Variants in PDE4C observed in about 807,000 individuals in gnomAD.
PDE4C encodes the protein phosphodiesterase 4C, also known as 3',5'-cyclic-AMP phosphodiesterase 4C.
Under a neutral mutation model 63.9 loss-of-function variants are expected in PDE4C, and 50 were observed. The observed-to-expected ratio is 0.78, with a 90% CI of 0.62 to 0.99. The LOEUF is 0.99. Ranked by LOEUF, PDE4C falls within the 50% of genes least tolerant of loss-of-function variation. The pLI is 0.00. For missense variants in PDE4C, 777 were observed against 899.1 expected (o/e 0.86, Z 1.74); for synonymous variants, 377 against 385.1 (o/e 0.98, Z 0.25).
intron 1 of PDE4C, among the ~76,000 whole-genome samples, chr19:18,222,593 C>T (rs1968530273): frequency 6.6e-6 from 1 of 151,276 alleles, no homozygotes; most frequent in African/African-American, 2.4e-5. Context: ...TTTCTCTGGA[C>T]CTCAATCACC....
exon 4 of PDE4C, chr19:18,221,112 C>T: frequency 6.6e-7 from 1 of 1,517,214 alleles, no homozygotes; most frequent in African/African-American, 1.4e-5. Flanking sequence ...TACTTGGCTG[C>T]TCCTAGGCAT....
intron 1 of PDE4C, among the ~76,000 whole-genome samples, chr19:18,225,120 C>A (rs144049444): frequency 3.3e-5 from 5 of 152,130 alleles, no homozygotes; most frequent in Admixed American, 3.3e-4. Flanking sequence ...TAGCCGGGAG[C>A]GGCGGGGTCA....
At chr19:18,221,954 T>C (rs557332076) in intron 2 of PDE4C, among the ~76,000 whole-genome samples, 178 bp downstream of exon 2, 1 of 152,164 alleles carries the variant, frequency 6.6e-6, no homozygotes, top group South Asian at 2.1e-4. Flanking sequence ...TTACCACCCC[T>C]ACTCCAGCAA....
chr19:18,225,292 A>T (rs1248214478), intron 1 of PDE4C, among the ~76,000 whole-genome samples: 1 of 152,062 alleles, frequency 6.6e-6, no homozygotes, highest in African/African-American at 2.4e-5. Flanking sequence ...CTCACTTCTG[A>T]GTACCCGCGA....
chr19:18,233,689 G>T, upstream of PDE4C: 1 of 356,958 alleles, frequency 2.8e-6, no homozygotes, highest in South Asian at 2.1e-5. Flanking sequence ...CCGGGTGGAT[G>T]AGACAGCGAA....
chr19:18,224,626 G>A (rs1004559414), intron 1 of PDE4C: 2 of 580,506 alleles, frequency 3.4e-6, no homozygotes, highest in African/African-American at 4.0e-5. Context: ...CTTCGAACAA[G>A]TCCGGGTGAC....
chr19:18,248,196 C>T (rs1205705904), exon 1 of PDE4C: 2 of 456,284 alleles, frequency 4.4e-6, no homozygotes, highest in Middle Eastern at 3.3e-4. Context: ...CTGCCTGGGT[C>T]CCATGACCTG....
upstream of PDE4C, chr19:18,226,501 G>C (rs986216496): frequency 8.7e-7 from 1 of 1,143,416 alleles, no homozygotes; most frequent in Non-Finnish European, 1.1e-6. Flanking sequence ...CAGCGGGGAG[G>C]GGGCAAAGGG....
chr19:18,233,171 G>A (rs1225136003), exon 1 of PDE4C: 3 of 1,558,346 alleles, frequency 1.9e-6, no homozygotes, highest in East Asian at 2.4e-5. Flanking sequence ...CTGCCCCTTC[G>A]CCGACCCCCA....
At chr19:18,247,596 A>G (rs1021030159) in intron 1 of PDE4C, among the ~76,000 whole-genome samples, 2 of 152,128 alleles carry the variant, frequency 1.3e-5, no homozygotes, top group Non-Finnish European at 2.9e-5. Flanking sequence ...GCGCCTGGCC[A>G]GCTCTGGGTA....
intron 1 of PDE4C, among the ~76,000 whole-genome samples, chr19:18,231,951 C>A (rs1968856921): frequency 6.6e-6 from 1 of 151,976 alleles, no homozygotes. Flanking sequence ...TCCCAAGGGA[C>A]TTCCCTTCCT....
exon 15 of PDE4C, chr19:18,210,668 G>A (rs1967881551): frequency 2.6e-6 from 1 of 387,312 alleles, no homozygotes; most frequent in East Asian, 4.3e-5. Context: ...AGGGATAGAA[G>A]CCCAGGAGAA....
chr19:18,236,076 G>A (rs1968946145), upstream of PDE4C, among the ~76,000 whole-genome samples: 1 of 151,732 alleles, frequency 6.6e-6, no homozygotes, highest in Non-Finnish European at 1.5e-5. Context: ...CTGAGTAGCT[G>A]GGACTACAGG....
At chr19:18,244,282 C>T (rs77666315) in intron 1 of PDE4C, among the ~76,000 whole-genome samples, 2,854 of 151,334 alleles carry the variant, frequency 0.019, 92 homozygotes, top group African/African-American at 0.066. Flanking sequence ...TGAGCTACCT[C>T]CCCTTTTTGT....
Position 18,222,215 on chromosome 19 carries a change from GC to G in PDE4C, c.254del (p.Arg85ProfsTer34). 1.2e-6 allele frequency: 2 copies of G among 1,614,192 alleles called. No individual in the cohort carries two copies. Among genetic ancestry groups the G allele is most frequent in the Admixed American group, 3.3e-5 (2 of 60,030 alleles). On this transcript the variant is annotated frameshift_variant, in exon 2 of 15. Coordinates refer to ENST00000262805, the Ensembl canonical transcript of PDE4C. LOFTEE classifies it high-confidence loss of function. ...TATCTGAGCGGTACAGGAAGGACTC[GC>G]GCCGCTGGCTGTGCGGGACTGGAGC...
At chr19:18,219,083 C>T in intron 8 of PDE4C, 45 bp from the exon 9 acceptor site, 1 of 1,583,242 alleles carries the variant, frequency 6.3e-7, no homozygotes, top group African/African-American at 1.3e-5. Flanking sequence ...AGCCCAACTT[C>T]CCCAGACTCT....
At chr19:18,232,684 T>TCA (rs1968873744) in intron 1 of PDE4C, among the ~76,000 whole-genome samples, 1 of 141,344 alleles carries the variant, frequency 7.1e-6, no homozygotes, top group Admixed American at 7.2e-5. Context: ...CACCCCAGTC[T>TCA]CACGCGCGCG....
intron 13 of PDE4C, among the ~76,000 whole-genome samples, chr19:18,213,110 G>A (rs1200024133): frequency 2.7e-5 from 4 of 150,482 alleles, no homozygotes; most frequent in East Asian, 2.0e-4. Flanking sequence ...GTGAAACCCC[G>A]TCTCTACTAA....
intron 11 of PDE4C, 138 bp from the exon 12 acceptor site, chr19:18,217,033 C>A: frequency 1.1e-6 from 1 of 921,148 alleles, no homozygotes; most frequent in Non-Finnish European, 1.6e-6. Flanking sequence ...TGTAAGAAAC[C>A]ATCCAGGTCC....
Sources: gnomAD v4.1 joint callset for allele counts (sites outside exome capture counted in the v4.1 genomes callset) on GRCh38, gnomAD v4.1.1 for gene constraint, MANE v1.5 for transcripts, NCBI Gene and HGNC (gene_info 2026-07-23, HGNC 2026-07-21) for gene names.